Variants in DLGAP2 observed in about 807,000 individuals in gnomAD.
DLGAP2 encodes disks large-associated protein 2.
DLGAP2 carries 26 observed loss-of-function variants against 100.3 expected under a neutral mutation model. The ratio of observed to expected loss-of-function variants is 0.26; its 90% CI spans 0.19 to 0.36. The LOEUF (loss-of-function observed/expected upper bound fraction) is 0.36. DLGAP2 is among the 10% of genes least tolerant of loss of function. DLGAP2 has a pLI of 1.00. For missense variants in DLGAP2, 1,858 were observed against 1,453.2 expected, an observed-to-expected ratio of 1.28 and a Z score of -4.53; for synonymous variants, 886 against 630.1, an observed-to-expected ratio of 1.41 and a Z score of -6.08.
At chr8:931,386 G>T (rs937582021) in intron 2 of DLGAP2, among the ~76,000 whole-genome samples, 2 of 152,198 alleles carry the variant, frequency 1.3e-5, no homozygotes, top group African/African-American at 4.8e-5. Context: ...TGCCTCTCCC[G>T]CCTCCTGGCT....
At chr8:787,306 A>G (rs1320963193) in intron 1 of DLGAP2, among the ~76,000 whole-genome samples, 2 of 152,172 alleles carry the variant, frequency 1.3e-5, no homozygotes, top group East Asian at 3.9e-4. Context: ...GTCGATGGTG[A>G]TACTGACGTT....
intron 2 of DLGAP2, among the ~76,000 whole-genome samples, chr8:1,078,333 A>G (rs1455140591): frequency 6.6e-6 from 1 of 152,160 alleles, no homozygotes; most frequent in South Asian, 2.1e-4. Flanking sequence ...TTTTGCCTGT[A>G]TTCCATTTCT....
chr8:1,195,315 T>A (rs1285216631), intron 2 of DLGAP2, among the ~76,000 whole-genome samples: 1 of 152,042 alleles, frequency 6.6e-6, no homozygotes, highest in Non-Finnish European at 1.5e-5. Context: ...GAGCAGAGCC[T>A]GAAGTCAGGG....
chr8:1,352,407 G>A (rs1801756631), intron 3 of DLGAP2, among the ~76,000 whole-genome samples: 1 of 152,058 alleles, frequency 6.6e-6, no homozygotes, highest in Admixed American at 6.6e-5. Flanking sequence ...CCTCTCCCCA[G>A]CGACTCTCCC....
intron 2 of DLGAP2, among the ~76,000 whole-genome samples, chr8:1,181,476 T>A (rs1366508616): frequency 6.6e-6 from 1 of 152,012 alleles, no homozygotes; most frequent in Non-Finnish European, 1.5e-5. Context: ...TTCTCACCTC[T>A]AAGTGGAGCT....
rs139588614 is a variant in DLGAP2, at chr8:1,039,020, T to C, written c.73+131054T>C. On this transcript the variant is annotated intron_variant, in intron 2 of 14. Coordinates refer to ENST00000637795, the MANE Select transcript of DLGAP2 (RefSeq NM_001346810.2). ...AGAAAGATTTTAGGATGCAGTTGAT[T>C]TCTGTAATTTTTCGGAAACTTAGTT... 1.1e-3 allele frequency among the ~76,000 whole-genome samples: 166 copies of C among 152,340 alleles called. 2 individuals carry two copies. The highest frequency in any genetic ancestry group is 3.6e-3 in the African/African-American group (149 of 41,586).
intron 1 of DLGAP2, among the ~76,000 whole-genome samples, chr8:776,858 T>C (rs1821532861): frequency 6.6e-6 from 1 of 152,228 alleles, no homozygotes; most frequent in Non-Finnish European, 1.5e-5. Flanking sequence ...TGTAGATGTC[T>C]ATTAGGTCCA....
intron 3 of DLGAP2, among the ~76,000 whole-genome samples, chr8:1,451,841 A>G (rs376618747): frequency 1.3e-5 from 2 of 152,170 alleles, no homozygotes; most frequent in Admixed American, 6.5e-5. Flanking sequence ...ATTCGCTGCG[A>G]TCATCACTAA....
At chr8:1,005,094 G>A (rs1465072609) in intron 2 of DLGAP2, among the ~76,000 whole-genome samples, 1 of 152,186 alleles carries the variant, frequency 6.6e-6, no homozygotes, top group African/African-American at 2.4e-5. Context: ...TCCTGTGGAT[G>A]GATCGTTATT....
rs148853133 is a variant in DLGAP2 at position 1,504,395 on chromosome 8, C to G, written c.172+2964C>G. ...TTGCCACCTCACATCCTTATCATCACCTTGTGCTTTTAAGAACATTTAAGA... is the reference window on the plus strand; with the variant it reads ...TTGCCACCTCACATCCTTATCATCAGCTTGTGCTTTTAAGAACATTTAAGA... On this transcript the variant is annotated intron_variant, in intron 4 of 14. Transcript: ENST00000637795. Among the ~76,000 whole-genome samples, 365 of 152,290 alleles carry G rather than the reference C, an allele frequency of 2.4e-3. 1 individual carries two copies. Among genetic ancestry groups the G allele is most frequent in the African/African-American group, 8.2e-3 (340 of 41,562 alleles).
At chr8:937,297 T>C (rs1159097029) in intron 2 of DLGAP2, among the ~76,000 whole-genome samples, 1 of 152,226 alleles carries the variant, frequency 6.6e-6, no homozygotes, top group Non-Finnish European at 1.5e-5. Context: ...CATGCCCATA[T>C]TTCACCATAT....
intron 2 of DLGAP2, among the ~76,000 whole-genome samples, chr8:1,031,730 C>T (rs13269228): frequency 0.23 from 35,308 of 152,176 alleles, 4,219 homozygotes; most frequent in South Asian, 0.26. Context: ...AAAAAGAGCA[C>T]TGATGCCGAA....
At chr8:1,255,061 A>T (rs1482352031) in intron 2 of DLGAP2, among the ~76,000 whole-genome samples, 1 of 73,826 alleles carries the variant, frequency 1.4e-5, no homozygotes, top group East Asian at 4.3e-4. Context: ...GTGTCCTCTC[A>T]TCCTGCCCGG....
chr8:1,098,939 G>A (rs1462067002), intron 2 of DLGAP2, among the ~76,000 whole-genome samples: 1 of 152,188 alleles, frequency 6.6e-6, no homozygotes, highest in Non-Finnish European at 1.5e-5. Flanking sequence ...TACCAAATGT[G>A]TTGCTAAATG....
chr8:979,647 G>T (rs1013865775), intron 2 of DLGAP2, among the ~76,000 whole-genome samples: 1 of 152,236 alleles, frequency 6.6e-6, no homozygotes, highest in African/African-American at 2.4e-5. Context: ...ACTGCCCTCT[G>T]AGCGTCAGGA....
intron 2 of DLGAP2, among the ~76,000 whole-genome samples, chr8:926,847 G>T (rs999472627): frequency 6.6e-6 from 1 of 152,276 alleles, no homozygotes; most frequent in African/African-American, 2.4e-5. Flanking sequence ...CTGCAGTTGT[G>T]TAATAATCCT....
chr8:1,336,965 A>T (rs971365974), intron 3 of DLGAP2, among the ~76,000 whole-genome samples: 54 of 152,314 alleles, frequency 3.5e-4, no homozygotes, highest in Middle Eastern at 3.4e-3. Flanking sequence ...CCACCCTAAA[A>T]TGAAGATATT....
intron 1 of DLGAP2, among the ~76,000 whole-genome samples, chr8:801,149 G>A (rs1563038411): frequency 6.6e-6 from 1 of 152,246 alleles, no homozygotes; most frequent in Non-Finnish European, 1.5e-5. Flanking sequence ...GTGCCTGCGT[G>A]TTTCTCTCTC....
chr8:1,328,203 C>G (rs907986661), intron 3 of DLGAP2, among the ~76,000 whole-genome samples: 5 of 151,794 alleles, frequency 3.3e-5, no homozygotes, highest in Non-Finnish European at 5.9e-5. Context: ...CCACACCTGG[C>G]TAATTTTTTT....
Sources: gnomAD v4.1 joint callset for allele counts (sites outside exome capture counted in the v4.1 genomes callset) on GRCh38, gnomAD v4.1.1 for gene constraint, MANE v1.5 for transcripts, NCBI Gene and HGNC (gene_info 2026-07-23, HGNC 2026-07-21) for gene names.